The following STPG2 variants were observed in gnomAD, a reference collection of about 807,000 sequenced individuals.
The protein encoded by STPG2 is sperm tail PG-rich repeat containing 2.
In STPG2, 56 loss-of-function variants were observed where a neutral mutation model predicts 54.2. That is an observed-to-expected ratio of 1.03 (90% CI 0.83 to 1.29). The LOEUF (loss-of-function observed/expected upper bound fraction) is 1.29, where lower values mean the gene tolerates loss of function less well. STPG2 is among the 50% of genes most tolerant of loss of function. The probability of loss-of-function intolerance (pLI) is 0.00; values close to 1 mark genes in which losing one functional copy is unlikely to be tolerated. For synonymous variants in STPG2, 200 were observed against 181.8 expected, an observed-to-expected ratio of 1.10 and a Z score of -0.81; for missense variants, 596 against 544.9, an observed-to-expected ratio of 1.09 and a Z score of -0.93.
chr4:97,852,405 T>C (rs1199048621), intron 8 of STPG2, among the ~76,000 whole-genome samples: 1 of 152,164 alleles, frequency 6.6e-6, no homozygotes, highest in Non-Finnish European at 1.5e-5. Flanking sequence ...ATAGCCTTAT[T>C]ATTAACTTTA....
chr4:97,928,980 C>A (rs553705702), intron 8 of STPG2, among the ~76,000 whole-genome samples: 8 of 152,048 alleles, frequency 5.3e-5, no homozygotes, highest in Non-Finnish European at 8.8e-5. Flanking sequence ...TTTCACAACC[C>A]AGGTATTAAG....
chr4:97,985,704 CATT>C (rs1734807621), intron 5 of STPG2, among the ~76,000 whole-genome samples: 4 of 152,166 alleles, frequency 2.6e-5, no homozygotes, highest in Admixed American at 6.5e-5. Flanking sequence ...ACTGCAGAAC[CATT>C]ATTCTTTTCC....
intron 5 of STPG2, among the ~76,000 whole-genome samples, chr4:97,997,271 G>T (rs1186227564): frequency 2.0e-5 from 3 of 152,152 alleles, no homozygotes; most frequent in Non-Finnish European, 1.5e-5. Context: ...TATAAGAAAA[G>T]AGATTTAATT....
intron 9 of STPG2, among the ~76,000 whole-genome samples, chr4:97,774,234 T>A (rs1726306149): frequency 6.6e-6 from 1 of 152,186 alleles, no homozygotes; most frequent in Admixed American, 6.5e-5. Context: ...TCTCTTTATA[T>A]TACTTTGTGG....
chr4:97,739,519 C>T (rs1236749927), intron 9 of STPG2, among the ~76,000 whole-genome samples: 10 of 152,066 alleles, frequency 6.6e-5, no homozygotes, highest in African/African-American at 2.2e-4. Context: ...CAATAAAAAA[C>T]GATAAAGGGG....
At chr4:97,826,216 A>C (rs2149108364) in intron 9 of STPG2, among the ~76,000 whole-genome samples, 1 of 152,350 alleles carries the variant, frequency 6.6e-6, no homozygotes, top group East Asian at 1.9e-4. Flanking sequence ...GAGACTACTA[A>C]GAAAACAGTT....
intron 5 of STPG2, chr4:98,026,316 G>T: frequency 1.7e-6 from 1 of 595,232 alleles, no homozygotes; most frequent in South Asian, 2.1e-5. Flanking sequence ...ATAAAAGTAT[G>T]GACAGAAAAA....
rs1725095873 is a variant in STPG2, at chr4:97,738,387, A to AGT, written c.1205-25574_1205-25573insAC. ...TATTAACTTTAAACGTAAATGGACT[A>AGT]AATGCTCCCATTAAAAGACACAGAC... On this transcript the variant is annotated intron_variant, in intron 9 of 10. Transcript: ENST00000295268. Among the ~76,000 whole-genome samples the AGT allele has an allele frequency of 2.6e-5, 4 of 152,208 alleles. No individual in the cohort carries two copies. The South Asian group carries it at 8.3e-4, about 31-fold the overall frequency.
intron 8 of STPG2, among the ~76,000 whole-genome samples, chr4:97,852,042 CAG>C (rs1302071437): frequency 2.0e-5 from 3 of 152,108 alleles, no homozygotes; most frequent in Non-Finnish European, 4.4e-5. Context: ...AATGTAAAGA[CAG>C]AGAAATTCTT....
At chr4:97,585,101 C>CAAAAAAAA (rs60854805) in intron 10 of STPG2, among the ~76,000 whole-genome samples, 5 of 46,252 alleles carry the variant, frequency 1.1e-4, no homozygotes, top group African/African-American at 2.5e-4. Flanking sequence ...AAAATATTCT[C>CAAAAAAAA]AAAAAAAAAA....
chr4:97,715,347 T>C lies in STPG2; in HGVS notation c.1205-2533A>G, dbSNP rs1724252753. The stretch of plus-strand genomic sequence containing the variant: ...TTCCAAATCAAACACCTATGAAAAG[T>C]CTGCCTGAATCATGGCTAGTGTATA... On this transcript the variant is annotated intron_variant, in intron 9 of 10. Transcript: ENST00000295268. 2.6e-5 allele frequency among the ~76,000 whole-genome samples: 4 copies of C among 152,246 alleles called. No homozygotes were observed. In the South Asian group the frequency reaches 8.3e-4, roughly 32 times the overall value.
intron 4 of STPG2, among the ~76,000 whole-genome samples, chr4:97,548,429 T>C (rs1255535774): frequency 1.3e-5 from 2 of 152,158 alleles, no homozygotes; most frequent in Non-Finnish European, 2.9e-5. Context: ...TAAGTCATTG[T>C]CTCTCCACCA....
chr4:97,913,333 C>T (rs906502996), intron 8 of STPG2, among the ~76,000 whole-genome samples: 2 of 152,096 alleles, frequency 1.3e-5, no homozygotes, highest in African/African-American at 2.4e-5. Context: ...TACTTACATG[C>T]TGTTTGTTTG....
intron 10 of STPG2, among the ~76,000 whole-genome samples, chr4:97,675,673 T>TTGTG (rs138150741): frequency 9.4e-5 from 14 of 148,710 alleles, no homozygotes; most frequent in Non-Finnish European, 1.8e-4. Flanking sequence ...GTGGGTGCAT[T>TTGTG]TGTGTGTGTG....
intron 4 of STPG2, among the ~76,000 whole-genome samples, chr4:97,507,978 C>T (rs1466484045): frequency 1.3e-5 from 2 of 151,962 alleles, no homozygotes; most frequent in East Asian, 3.9e-4. Flanking sequence ...CGCTACTCCC[C>T]AGCCCCAGAG....
At chr4:98,047,440 CAGGCAAA>C (rs1737168926) in intron 5 of STPG2, among the ~76,000 whole-genome samples, 1 of 151,630 alleles carries the variant, frequency 6.6e-6, no homozygotes, top group Non-Finnish European at 1.5e-5. Flanking sequence ...GGAAATTGTG[CAGGCAAA>C]TCCCTTCCAG....
intron 9 of STPG2, among the ~76,000 whole-genome samples, chr4:97,733,622 T>C (rs9990426): frequency 0.061 from 9,248 of 152,248 alleles, 367 homozygotes; most frequent in Admixed American, 0.12. Flanking sequence ...ATGGAGGTCA[T>C]GGAAGCTCTT....
chr4:98,004,368 ACTTT>A (rs1209811574), intron 5 of STPG2, among the ~76,000 whole-genome samples: 2 of 152,102 alleles, frequency 1.3e-5, no homozygotes, highest in Admixed American at 6.6e-5. Flanking sequence ...TGTGTGTCAC[ACTTT>A]CTTTATCCAG....
intron 10 of STPG2, among the ~76,000 whole-genome samples, chr4:97,614,355 C>T (rs986869365): frequency 6.6e-6 from 1 of 151,472 alleles, no homozygotes; most frequent in Non-Finnish European, 1.5e-5. Context: ...CAAATCAGGA[C>T]TATAAAGTGA....
Sources: allele counts gnomAD v4.1 joint callset (sites outside exome capture counted in the v4.1 genomes callset), GRCh38; gene constraint gnomAD v4.1.1; transcripts MANE v1.5; gene names NCBI Gene and HGNC (gene_info 2026-07-23, HGNC 2026-07-21).